Variants in DENND4C observed in about 807,000 individuals in gnomAD.
DENND4C encodes the protein DENN domain containing 4C.
Under a neutral mutation model 203.0 loss-of-function variants are expected in DENND4C, and 108 were observed. That is an observed-to-expected ratio of 0.53 (90% CI 0.46 to 0.62). The LOEUF (loss-of-function observed/expected upper bound fraction) is 0.62, where lower values mean the gene tolerates loss of function less well. Among genes scored for constraint, DENND4C ranks in the 20% least tolerant of loss-of-function variants. The pLI, the probability that DENND4C is intolerant of heterozygous loss-of-function variation, is 0.00. For missense variants in DENND4C, 2,481 were observed against 2,301.2 expected (o/e 1.08, Z -1.60); for synonymous variants, 871 against 792.4 (o/e 1.10, Z -1.67).
chr9:19,231,394 C>T (rs1175450920), intron 1 of DENND4C, among the ~76,000 whole-genome samples: 3 of 152,084 alleles, frequency 2.0e-5, no homozygotes, highest in East Asian at 3.9e-4. Flanking sequence ...GGTGGCCGAT[C>T]CTCAGGGCTT....
In DENND4C at chr9:19,346,744, A is replaced by T; in HGVS notation, c.3975A>T (p.Arg1325Ser). 1 of 1,614,176 alleles carries T rather than the reference A, an allele frequency of 6.2e-7. No individual in the cohort carries two copies. Among genetic ancestry groups the T allele is most frequent in the Non-Finnish European group, 8.5e-7 (1 of 1,180,026 alleles). Residue 1325 changes from arginine to serine, a missense_variant, in exon 23 of 33, where the codon AGA (arginine) becomes AGT (serine). Physicochemically the swap from Arg to Ser is moderately radical, Grantham distance 110. This residue lies in a region of DENND4C where 2,289 missense variants were observed against 2,113.3 expected (regional missense o/e 1.08). Coordinates refer to ENST00000434457, the MANE Select transcript of DENND4C (RefSeq NM_001330640.2). ...CATTTATTCATGCTCTAGAGAGGAG[A>T]TCAAGCCTACCTTTAGATCATGGTT... is the stretch of plus-strand genomic sequence containing the variant. ...TTAFIHALER[R>S]SSLPLDHGSP...
intron 18 of DENND4C, among the ~76,000 whole-genome samples, chr9:19,335,467 G>A (rs1001151021): frequency 6.6e-6 from 1 of 152,110 alleles, no homozygotes; most frequent in African/African-American, 2.4e-5. Flanking sequence ...CTACTGAACT[G>A]AAGTTTTGTA....
chr9:19,259,769 T>C (rs1215275256), intron 1 of DENND4C, among the ~76,000 whole-genome samples: 1 of 152,152 alleles, frequency 6.6e-6, no homozygotes, highest in Non-Finnish European at 1.5e-5. Context: ...CCTCCCACAA[T>C]GCTGGGATTA....
In DENND4C at chr9:19,324,472, A is replaced by G. The variant is rs921770279; in HGVS notation, c.1918A>G (p.Thr640Ala). 1.2e-6 allele frequency: 2 copies of G among 1,609,480 alleles called. No individual in the cohort carries two copies. The highest frequency in any genetic ancestry group is 2.7e-5 in the African/African-American group (2 of 74,546). ...ATGCAGTTTTGTAAGTGATAAAGAT[A>G]CTGGATTAGCATTTTTTGATGACTG... The part of the protein sequence containing the change: ...EECSFVSDKD[T>A]GLAFFDDCIE... Residue 640 changes from threonine (T) to alanine (A), a missense_variant, in exon 13 of 33, where the codon ACT becomes GCT. Physicochemically the swap from Thr to Ala is moderately conservative, Grantham distance 58. Coordinates refer to ENST00000434457, the MANE Select transcript of DENND4C (RefSeq NM_001330640.2).
chr9:19,294,324 G>A (rs1220321635), intron 5 of DENND4C, among the ~76,000 whole-genome samples: 1 of 152,016 alleles, frequency 6.6e-6, no homozygotes, highest in African/African-American at 2.4e-5. Context: ...AGAGAAATTT[G>A]TACTGTCAAA....
chr9:19,271,048 C>G (rs923146046), intron 1 of DENND4C, among the ~76,000 whole-genome samples: 1 of 152,034 alleles, frequency 6.6e-6, no homozygotes, highest in African/African-American at 2.4e-5. Flanking sequence ...GTTGCAAACT[C>G]AGAAACATCG....
At chr9:19,361,150 A>G (rs931886436) in intron 29 of DENND4C, among the ~76,000 whole-genome samples, 1 of 152,188 alleles carries the variant, frequency 6.6e-6, no homozygotes, top group Non-Finnish European at 1.5e-5. Flanking sequence ...GGCGTGAGCG[A>G]CTGTGCCCGG....
rs10738534 is a variant in DENND4C at position 19,293,780 on chromosome 9, G to T, written c.802-2228G>T. Among the ~76,000 whole-genome samples, 1,028 of 152,082 alleles carry T rather than the reference G, an allele frequency of 6.8e-3. 14 individuals are homozygous for T. Among genetic ancestry groups the T allele is most frequent in the African/African-American group, 0.024 (986 of 41,472 alleles). On this transcript the variant is annotated intron_variant, in intron 5 of 32. Transcript: ENST00000434457. ...ATTGAGAGCATCATGCCACTTACAC[G>T]GACTGTGGCATTTTACCTGTAATGG...
rs538781954 is a variant in DENND4C at position 19,296,058 on chromosome 9, A to G, written c.852A>G (p.Leu284=). ...QFYEPYSREL[L]SEKQLMHLGL... ...ATGAACCTTACTCTCGGGAACTTCT[A>G]TCAGAGAAACAGCTTATGCACCTGG... Residue 284 remains leucine (L), a synonymous_variant, in exon 6 of 33, where the codon CTA becomes CTG. Coordinates refer to ENST00000434457, the MANE Select transcript of DENND4C (RefSeq NM_001330640.2). The G allele has an allele frequency of 4.4e-4, 707 of 1,614,148 alleles. 10 individuals are homozygous for G. The South Asian group carries it at 6.8e-3, about 16-fold the overall frequency.
intron 30 of DENND4C, among the ~76,000 whole-genome samples, chr9:19,368,855 T>C (rs1183226983): frequency 3.9e-5 from 6 of 152,098 alleles, no homozygotes; most frequent in Admixed American, 6.6e-5. Flanking sequence ...TTTTTACTTA[T>C]TGATTAAAAA....
intron 10 of DENND4C, 143 bp downstream of exon 10, chr9:19,305,670 G>T (rs928685266): frequency 1.3e-6 from 1 of 746,256 alleles, no homozygotes; most frequent in Non-Finnish European, 2.1e-6. Context: ...ACCAGGGCAG[G>T]TATCAGAATC....
At chr9:19,278,133 G>GT (rs1490497222) in intron 2 of DENND4C, among the ~76,000 whole-genome samples, 1 of 129,868 alleles carries the variant, frequency 7.7e-6, no homozygotes, top group Non-Finnish European at 1.7e-5. Context: ...TGTTGTGGTT[G>GT]TTTTTTGTTT....
chr9:19,266,617 A>G (rs981028924), intron 1 of DENND4C, among the ~76,000 whole-genome samples: 1 of 152,222 alleles, frequency 6.6e-6, no homozygotes, highest in Non-Finnish European at 1.5e-5. Context: ...TGGTACTGGT[A>G]CCAAAACAGA....
chr9:19,254,079 G>T (rs1167207755), intron 1 of DENND4C, among the ~76,000 whole-genome samples: 2 of 151,102 alleles, frequency 1.3e-5, no homozygotes, highest in African/African-American at 4.8e-5. Context: ...AAAAGCTTTT[G>T]TTAATACAAA....
At chr9:19,300,072 TAA>T in intron 8 of DENND4C, 113 bp from the exon 9 acceptor site, 1 of 1,065,646 alleles carries the variant, frequency 9.4e-7, no homozygotes. Context: ...GATAAATAAG[TAA>T]AGACTAGAAA....
intron 10 of DENND4C, among the ~76,000 whole-genome samples, chr9:19,312,165 G>A (rs964667792): frequency 2.1e-4 from 32 of 152,076 alleles, no homozygotes; most frequent in Non-Finnish European, 4.4e-4. Flanking sequence ...GTGTAGTGGC[G>A]CGATCTTGGC....
intron 1 of DENND4C, among the ~76,000 whole-genome samples, chr9:19,269,255 G>A (rs1027565554): frequency 6.6e-5 from 10 of 151,886 alleles, no homozygotes; most frequent in South Asian, 2.1e-4. Context: ...CTCTGCTTCC[G>A]GGTTCAAGCA....
At chr9:19,234,202 A>T (rs1399659540) in intron 1 of DENND4C, among the ~76,000 whole-genome samples, 1 of 151,858 alleles carries the variant, frequency 6.6e-6, no homozygotes, top group Non-Finnish European at 1.5e-5. Flanking sequence ...CATTTTAGTA[A>T]TTCCACTTTC....
At chr9:19,255,387 A>AGAGT (rs10659683) in intron 1 of DENND4C, among the ~76,000 whole-genome samples, 30,484 of 149,718 alleles carry the variant, frequency 0.2, 3,155 homozygotes, top group Admixed American at 0.23. Flanking sequence ...CCTGGGCAAC[A>AGAGT]GAGTGAGATC....
Sources: allele counts gnomAD v4.1 joint callset (sites outside exome capture counted in the v4.1 genomes callset), GRCh38; gene constraint gnomAD v4.1.1; regional missense constraint gnomAD v4.1.1; transcripts MANE v1.5; gene names NCBI Gene and HGNC (gene_info 2026-07-23, HGNC 2026-07-21).